The following MGAT4C variants were observed in gnomAD, a reference collection of about 807,000 sequenced individuals.
MGAT4C encodes MGAT4 family member C, also known as alpha-1,3-mannosyl-glycoprotein 4-beta-N-acetylglucosaminyltransferase C.
Under a neutral mutation model 40.1 loss-of-function variants are expected in MGAT4C, and 19 were observed. The observed-to-expected ratio is 0.47, with a 90% CI of 0.33 to 0.70. The LOEUF is 0.70. Among genes scored for constraint, MGAT4C ranks in the 30% least tolerant of loss-of-function variants. The pLI, the probability that MGAT4C is intolerant of heterozygous loss-of-function variation, is 0.02. For missense variants in MGAT4C, 491 were observed against 563.2 expected, an observed-to-expected ratio of 0.87 and a Z score of 1.30; for synonymous variants, 181 against 187.1, an observed-to-expected ratio of 0.97 and a Z score of 0.27.
intron 4 of MGAT4C, among the ~76,000 whole-genome samples, chr12:85,981,588 C>T (rs1216115951): frequency 6.6e-6 from 1 of 152,104 alleles, no homozygotes; most frequent in Non-Finnish European, 1.5e-5. Flanking sequence ...TTAATAATAG[C>T]CAATGCTTAT....
chr12:86,700,074 T>TAAGATAGAC (rs1334914886), intron 2 of MGAT4C, among the ~76,000 whole-genome samples: 7 of 151,278 alleles, frequency 4.6e-5, no homozygotes, highest in Non-Finnish European at 8.8e-5. Flanking sequence ...ATAAGATAGA[T>TAAGATAGAC]AGATAATGTA....
chr12:86,158,199 A>G (rs1348724481), intron 1 of MGAT4C, among the ~76,000 whole-genome samples: 1 of 152,150 alleles, frequency 6.6e-6, no homozygotes, highest in East Asian at 1.9e-4. Context: ...TTTCCAGAGC[A>G]CATAGGGAGA....
intron 1 of MGAT4C, among the ~76,000 whole-genome samples, chr12:86,835,541 G>A (rs953493559): frequency 3.3e-5 from 5 of 151,730 alleles, no homozygotes; most frequent in African/African-American, 9.7e-5. Context: ...CAAAGGGCAC[G>A]GTATAATGAG....
chr12:86,128,220 T>G (rs1164134253), intron 1 of MGAT4C, among the ~76,000 whole-genome samples: 1 of 152,186 alleles, frequency 6.6e-6, no homozygotes, highest in East Asian at 1.9e-4. Flanking sequence ...CCGTCCTTTG[T>G]TGACTGAAAT....
chr12:86,001,183 G>T (rs967035537), intron 2 of MGAT4C, among the ~76,000 whole-genome samples: 1 of 152,088 alleles, frequency 6.6e-6, no homozygotes, highest in African/African-American at 2.4e-5. Context: ...CCATCAGTAA[G>T]AATCCTTTCA....
intron 2 of MGAT4C, among the ~76,000 whole-genome samples, chr12:86,477,664 T>TA: frequency 1.3e-5 from 2 of 152,288 alleles, no homozygotes; most frequent in East Asian, 3.9e-4. Context: ...GTTACATATG[T>TA]ATACATGTGC....
chr12:86,020,722 C>G (rs932421984), intron 2 of MGAT4C, among the ~76,000 whole-genome samples: 3 of 152,118 alleles, frequency 2.0e-5, no homozygotes, highest in African/African-American at 7.2e-5. Flanking sequence ...CAACAAAAGC[C>G]AACATTGACA....
chr12:86,255,994 T>G (rs544557465), intron 1 of MGAT4C, among the ~76,000 whole-genome samples: 1 of 152,274 alleles, frequency 6.6e-6, no homozygotes, highest in South Asian at 2.1e-4. Flanking sequence ...AGTATTTTCC[T>G]TTTTCTAAAG....
chr12:86,472,412 C>G lies in MGAT4C; in HGVS notation c.-228-37147G>C, dbSNP rs112321043. ...GGTGACCAGATCCTTTTTTGCCTTACCTTCACAGTTATTTCTCTAACATCT... is the reference window on the plus strand; with the variant it reads ...GGTGACCAGATCCTTTTTTGCCTTAGCTTCACAGTTATTTCTCTAACATCT... On this transcript the variant is annotated intron_variant, in intron 2 of 7. Transcript: ENST00000548651. Among the ~76,000 whole-genome samples, 499 of 152,164 alleles carry G rather than the reference C, an allele frequency of 3.3e-3. 2 individuals are homozygous for G. Among genetic ancestry groups the G allele is most frequent in the African/African-American group, 0.012 (482 of 41,548 alleles).
In MGAT4C at chr12:86,491,693, T is replaced by G. The variant is rs867426105; in HGVS notation, c.-228-56428A>C. The stretch of plus-strand genomic sequence containing the variant: ...GACAAACCCACAGCCAATATCATAC[T>G]GAATGGGCAAAAACTGGAAGCATTC... On this transcript the variant is annotated intron_variant, in intron 2 of 7. Transcript: ENST00000548651. 1.0e-3 allele frequency among the ~76,000 whole-genome samples: 152 copies of G among 151,522 alleles called. 1 individual carries two copies. Among genetic ancestry groups the G allele is most frequent in the African/African-American group, 3.2e-3 (133 of 41,306 alleles).
intron 3 of MGAT4C, among the ~76,000 whole-genome samples, chr12:86,355,509 A>C (rs1044311453): frequency 2.0e-5 from 3 of 152,246 alleles, no homozygotes; most frequent in African/African-American, 7.2e-5. Flanking sequence ...CAGATGCACC[A>C]TAATCAAACT....
chr12:86,385,939 TA>T (rs1259223363), intron 3 of MGAT4C, among the ~76,000 whole-genome samples: 2 of 152,204 alleles, frequency 1.3e-5, no homozygotes, highest in South Asian at 2.1e-4. Context: ...TTTATTTATT[TA>T]TTTTTTTTGA....
At chr12:86,339,877 G>GT (rs1954873089) in intron 3 of MGAT4C, among the ~76,000 whole-genome samples, 1 of 152,052 alleles carries the variant, frequency 6.6e-6, no homozygotes. Flanking sequence ...TCTTAGATTG[G>GT]TAGCTCTTTC....
intron 2 of MGAT4C, among the ~76,000 whole-genome samples, chr12:86,025,256 C>A (rs1374215513): frequency 6.6e-6 from 1 of 151,474 alleles, no homozygotes; most frequent in African/African-American, 2.4e-5. Context: ...CAATGAAAAA[C>A]TCTTTTTAGA....
In MGAT4C at chr12:86,330,783, T is replaced by C. The variant is rs1052880681; in HGVS notation, c.-57+3282A>G. 2.6e-5 allele frequency among the ~76,000 whole-genome samples: 4 copies of C among 152,198 alleles called. No homozygotes were observed. In the South Asian group the frequency reaches 8.3e-4, roughly 32 times the overall value. ...AAGTTTTGTGGGAGAGATACACAAA[T>C]AAACAATAAACAATTATACTTATTA... is the stretch of plus-strand genomic sequence containing the variant. On this transcript the variant is annotated intron_variant, in intron 4 of 7. Coordinates refer to the MGAT4C transcript ENST00000548651.
intron 2 of MGAT4C, among the ~76,000 whole-genome samples, chr12:86,455,062 G>A (rs1957488386): frequency 6.6e-6 from 1 of 151,930 alleles, no homozygotes; most frequent in African/African-American, 2.4e-5. Flanking sequence ...TGCATTGATT[G>A]TGAATCCTTT....
At chr12:86,580,132 A>G (rs1311668249) in intron 2 of MGAT4C, among the ~76,000 whole-genome samples, 1 of 151,146 alleles carries the variant, frequency 6.6e-6, no homozygotes. Context: ...TACATTTTCT[A>G]TTTTTCTGCC....
At chr12:86,192,482 T>G (rs2135906519) in intron 1 of MGAT4C, among the ~76,000 whole-genome samples, 1 of 152,210 alleles carries the variant, frequency 6.6e-6, no homozygotes, top group South Asian at 2.1e-4. Flanking sequence ...TGAGACGCCT[T>G]GCAAGACTTT....
At chr12:86,284,063 T>C (rs969761861) in intron 4 of MGAT4C, among the ~76,000 whole-genome samples, 2 of 152,062 alleles carry the variant, frequency 1.3e-5, no homozygotes, top group Non-Finnish European at 2.9e-5. Flanking sequence ...TATATTTGTA[T>C]CATCTAAGCT....
Sources: allele counts gnomAD v4.1 joint callset (sites outside exome capture counted in the v4.1 genomes callset), GRCh38; gene constraint gnomAD v4.1.1; transcripts MANE v1.5; gene names NCBI Gene and HGNC (gene_info 2026-07-23, HGNC 2026-07-21).